The following CLECL1 variants were observed in gnomAD, a reference collection of about 807,000 sequenced individuals.
CLECL1 encodes the protein C-type lectin like 1, also known as C-type lectin-like domain family 1.
At chr12:9,733,090 AT>A, upstream of CLECL1, 1 of 1,604,558 alleles carries the variant, frequency 6.2e-7, no homozygotes, top group Non-Finnish European at 8.5e-7. Context: ...GGACAATCAT[AT>A]TTCTGCAAAG....
chr12:9,723,150 T>C (rs1866334882), intron 3 of CLECL1, among the ~76,000 whole-genome samples: 1 of 152,168 alleles, frequency 6.6e-6, no homozygotes, highest in African/African-American at 2.4e-5. Context: ...AGAATAGAAA[T>C]TAGAAATTTT....
At chr12:9,721,725 T>C (rs2121047196), downstream of CLECL1, among the ~76,000 whole-genome samples, 1 of 152,336 alleles carries the variant, frequency 6.6e-6, no homozygotes, top group Admixed American at 6.5e-5. Flanking sequence ...ACTCCCTGCT[T>C]CCTCTTTCTT....
intron 3 of CLECL1, among the ~76,000 whole-genome samples, chr12:9,726,655 T>C (rs1866383545): frequency 6.6e-6 from 1 of 151,986 alleles, no homozygotes; most frequent in Admixed American, 6.6e-5. Context: ...AGATTTGGTG[T>C]ACTTTCCTAA....
At chr12:9,708,162 CT>C in the CLECL1 span, among the ~76,000 whole-genome samples, 1 of 152,160 alleles carries the variant, frequency 6.6e-6, no homozygotes, top group Non-Finnish European at 1.5e-5. Context: ...ATTCCCTCCC[CT>C]GGCCAAGGAA....
At chr12:9,728,478 G>A (rs1333229239) in intron 2 of CLECL1, among the ~76,000 whole-genome samples, 2 of 151,794 alleles carry the variant, frequency 1.3e-5, no homozygotes, top group African/African-American at 4.8e-5. Flanking sequence ...TATTAGTGAT[G>A]TAGCTGGGAT....
At chr12:9,710,269 G>T in the CLECL1 span, among the ~76,000 whole-genome samples, 20 of 151,994 alleles carry the variant, frequency 1.3e-4, no homozygotes, top group Non-Finnish European at 2.8e-4. Flanking sequence ...AAATGTTCAG[G>T]CAACCAGAGC....
chr12:9,726,220 AAAAT>A (rs1480159200), intron 3 of CLECL1, among the ~76,000 whole-genome samples: 1 of 146,678 alleles, frequency 6.8e-6, no homozygotes, highest in African/African-American at 2.5e-5. Context: ...TGTATTATAA[AAAAT>A]AATGTTTAAA....
At chr12:9,709,587 T>C in the CLECL1 span, among the ~76,000 whole-genome samples, 2 of 152,240 alleles carry the variant, frequency 1.3e-5, no homozygotes, top group Admixed American at 1.3e-4. Context: ...CAGACCCTGA[T>C]GGACACTGAG....
intron 3 of CLECL1, among the ~76,000 whole-genome samples, chr12:9,727,451 C>A (rs1287923973): frequency 6.6e-6 from 1 of 151,650 alleles, no homozygotes; most frequent in Non-Finnish European, 1.5e-5. Flanking sequence ...TGATCTAAAC[C>A]ATCTGTCTAT....
At chr12:9,732,743 C>T (rs1866461877) in intron 1 of CLECL1, among the ~76,000 whole-genome samples, 1 of 152,174 alleles carries the variant, frequency 6.6e-6, no homozygotes, top group Non-Finnish European at 1.5e-5. Context: ...AAGCAAAGTT[C>T]TACATATTAA....
intron 3 of CLECL1, among the ~76,000 whole-genome samples, chr12:9,726,915 T>C (rs1866386870): frequency 6.6e-6 from 1 of 151,864 alleles, no homozygotes; most frequent in African/African-American, 2.4e-5. Flanking sequence ...AACATCAAAG[T>C]TCCCAAAGAC....
At chr12:9,732,894 A>G (rs1866464691) in intron 1 of CLECL1, 55 bp downstream of exon 1, 1 of 1,392,568 alleles carries the variant, frequency 7.2e-7, no homozygotes, top group East Asian at 2.3e-5. Flanking sequence ...AGAAAGAAAT[A>G]AAGGAGATAA....
chr12:9,721,285 A>T (rs748833507), downstream of CLECL1, among the ~76,000 whole-genome samples: 9 of 152,016 alleles, frequency 5.9e-5, no homozygotes, highest in South Asian at 1.0e-3. Flanking sequence ...AAATGATTTT[A>T]TATTTATTGG....
exon 2 of CLECL1, among the ~76,000 whole-genome samples, chr12:9,729,647 C>T (rs142722570): frequency 4.6e-5 from 7 of 152,060 alleles, no homozygotes; most frequent in African/African-American, 1.2e-4. Flanking sequence ...GCACATCCAA[C>T]GTTAAGAACA....
chr12:9,710,768 C>G, the CLECL1 span, among the ~76,000 whole-genome samples: 1 of 152,186 alleles, frequency 6.6e-6, no homozygotes, highest in Non-Finnish European at 1.5e-5. Flanking sequence ...AGGCCACTGA[C>G]TGACAGAACA....
the CLECL1 span, among the ~76,000 whole-genome samples, chr12:9,710,588 G>A: frequency 3.3e-5 from 5 of 152,222 alleles, no homozygotes; most frequent in South Asian, 1.0e-3. Context: ...GACCACCCTG[G>A]CCTGCCATGC....
At position 9,716,662 on chromosome 12, in the gene CLECL1, G is replaced by A. The variant is rs775410484; in HGVS notation, n.267C>T. On this transcript the variant is annotated non_coding_transcript_exon_variant, in exon 3 of 3. Transcript: ENST00000540988. Reference sequence around the variant, plus strand: ...AACAAGAGCTTTGTTCTCTTCATCAGAGGCCTCTTCCTAAGAAGACCCCAG... The same window carrying A: ...AACAAGAGCTTTGTTCTCTTCATCAAAGGCCTCTTCCTAAGAAGACCCCAG... 3.8e-5 allele frequency: 20 copies of A among 528,532 alleles called. No homozygotes were observed. The Admixed American group carries it at 7.2e-4, about 19-fold the overall frequency. 32.7% of individuals were successfully genotyped at this position (528,532 alleles called of 1,614,324 possible).
exon 2 of CLECL1, among the ~76,000 whole-genome samples, chr12:9,729,653 G>A (rs1866422370): frequency 6.6e-6 from 1 of 152,080 alleles, no homozygotes; most frequent in South Asian, 2.1e-4. Flanking sequence ...CCAACGTTAA[G>A]AACAATTCCA....
At chr12:9,720,727 G>A (rs1565481081), downstream of CLECL1, among the ~76,000 whole-genome samples, 1 of 152,186 alleles carries the variant, frequency 6.6e-6, no homozygotes, top group Admixed American at 6.5e-5. Context: ...AGTCATTTCT[G>A]TGAGAGTCTG....
Sources: gnomAD v4.1 joint callset for allele counts (sites outside exome capture counted in the v4.1 genomes callset) on GRCh38, gnomAD v4.1.1 for gene constraint, MANE v1.5 for transcripts, NCBI Gene and HGNC (gene_info 2026-07-23, HGNC 2026-07-21) for gene names.